FHIT: variants seen among roughly 807,000 people sequenced by gnomAD.
FHIT encodes fragile histidine triad diadenosine triphosphatase.
FHIT carries 19 observed loss-of-function variants against 17.9 expected under a neutral mutation model. The ratio of observed to expected loss-of-function variants is 1.06; its 90% CI spans 0.74 to 1.56. The LOEUF is 1.56. Among genes scored for constraint, FHIT ranks in the 40% most tolerant of loss-of-function variants. FHIT has a pLI of 0.00. For missense variants in FHIT, 248 were observed against 189.2 expected (o/e 1.31, Z -1.82); for synonymous variants, 81 against 69.7 (o/e 1.16, Z -0.81).
intron 2 of FHIT, among the ~76,000 whole-genome samples, chr3:61,146,012 T>C (rs1480486277): frequency 6.6e-6 from 1 of 152,000 alleles, no homozygotes; most frequent in Non-Finnish European, 1.5e-5. Flanking sequence ...TTATCCACAA[T>C]ATTGAGCAAT....
chr3:60,236,010 A>G (rs1704764924), intron 5 of FHIT, among the ~76,000 whole-genome samples: 1 of 151,950 alleles, frequency 6.6e-6, no homozygotes, highest in African/African-American at 2.4e-5. Context: ...TCTGCTTTTA[A>G]TTCCTCAGAC....
intron 4 of FHIT, among the ~76,000 whole-genome samples, chr3:60,806,356 C>CTGAAT (rs1553734183): frequency 6.6e-6 from 1 of 152,186 alleles, no homozygotes; most frequent in Non-Finnish European, 1.5e-5. Flanking sequence ...TCACTTTGGT[C>CTGAAT]CTTCTAGGAT....
At chr3:59,858,236 CTTTTTTTTTTTTTTT>C (rs563841299) in intron 8 of FHIT, among the ~76,000 whole-genome samples, 11 of 84,454 alleles carry the variant, frequency 1.3e-4, no homozygotes, top group Non-Finnish European at 1.7e-4. Context: ...TTCCCACCTT[CTTTTTTTTTTTTTTT>C]TTTTTTTTTT....
At chr3:59,865,042 ACTC>A (rs1702580917) in intron 8 of FHIT, among the ~76,000 whole-genome samples, 1 of 151,998 alleles carries the variant, frequency 6.6e-6, no homozygotes, top group Non-Finnish European at 1.5e-5. Context: ...CCCATTTCTG[ACTC>A]CTCCACTCTA....
chr3:60,415,454 G>A (rs1359771616), intron 5 of FHIT, among the ~76,000 whole-genome samples: 1 of 152,034 alleles, frequency 6.6e-6, no homozygotes, highest in African/African-American at 2.4e-5. Context: ...ATCATTAAAC[G>A]ATTTCCTGGC....
At chr3:61,067,768 T>C (rs899803680) in intron 2 of FHIT, among the ~76,000 whole-genome samples, 1 of 152,192 alleles carries the variant, frequency 6.6e-6, no homozygotes, top group Admixed American at 6.5e-5. Context: ...TTGGAGATGG[T>C]CAAGGGCCAG....
intron 5 of FHIT, among the ~76,000 whole-genome samples, chr3:60,364,640 T>C (rs745667817): frequency 7.9e-5 from 12 of 152,232 alleles, no homozygotes; most frequent in Non-Finnish European, 1.3e-4. Context: ...TCATTCTATG[T>C]GCCAATTTGA....
intron 8 of FHIT, among the ~76,000 whole-genome samples, chr3:59,811,184 C>T (rs1394400591): frequency 6.6e-6 from 1 of 152,182 alleles, no homozygotes; most frequent in East Asian, 1.9e-4. Flanking sequence ...CCTCTCATAA[C>T]ACATCTGTAC....
intron 5 of FHIT, among the ~76,000 whole-genome samples, chr3:60,496,311 A>C (rs1029722498): frequency 2.0e-5 from 3 of 152,158 alleles, no homozygotes; most frequent in Non-Finnish European, 4.4e-5. Context: ...ATTGCAAAAG[A>C]AAACAATGAC....
At chr3:59,971,257 C>G (rs6446101) in intron 7 of FHIT, among the ~76,000 whole-genome samples, 58,409 of 151,892 alleles carry the variant, frequency 0.38, 13,009 homozygotes, top group East Asian at 0.61. Context: ...ACAGGGAATA[C>G]GAAATCTTTG....
At chr3:60,917,019 GC>G (rs1707039522) in intron 3 of FHIT, among the ~76,000 whole-genome samples, 2 of 152,124 alleles carry the variant, frequency 1.3e-5, no homozygotes, top group African/African-American at 4.8e-5. Flanking sequence ...AAATAAATTT[GC>G]CATGGGAACA....
rs572035975 is a variant in FHIT, at chr3:61,035,806, G to C, written c.-111+6241C>G. Among the ~76,000 whole-genome samples, 9 of 152,270 alleles carry C rather than the reference G, an allele frequency of 5.9e-5. No homozygotes were observed. In the South Asian group the frequency reaches 1.9e-3, roughly 32 times the overall value. On this transcript the variant is annotated intron_variant, in intron 3 of 9. Coordinates refer to ENST00000492590, the MANE Select transcript of FHIT (RefSeq NM_002012.4). ...TTTCCAGTAAAAAGTAAATTTGGAA[G>C]GTAGGCCCTGCTTTTACTCTAGTTA...
chr3:60,222,836 G>C (rs998675580), intron 5 of FHIT, among the ~76,000 whole-genome samples: 2 of 152,118 alleles, frequency 1.3e-5, no homozygotes, highest in Non-Finnish European at 2.9e-5. Flanking sequence ...GGGAGGCAGA[G>C]GTTGCAGTGA....
chr3:60,848,688 C>T (rs894548097), intron 3 of FHIT, among the ~76,000 whole-genome samples: 2 of 152,150 alleles, frequency 1.3e-5, no homozygotes, highest in Non-Finnish European at 2.9e-5. Context: ...ATACTTACCT[C>T]ACCATATTGT....
chr3:61,171,208 T>G (rs952662750), intron 2 of FHIT, among the ~76,000 whole-genome samples: 5 of 152,218 alleles, frequency 3.3e-5, no homozygotes, highest in Non-Finnish European at 7.3e-5. Flanking sequence ...TGATCAGTGA[T>G]GTTGAGCTTT....
intron 3 of FHIT, among the ~76,000 whole-genome samples, chr3:60,901,272 T>C (rs1343811891): frequency 6.6e-6 from 1 of 152,228 alleles, no homozygotes; most frequent in Non-Finnish European, 1.5e-5. Flanking sequence ...AAAAATGGAA[T>C]TAAACTATTT....
intron 4 of FHIT, among the ~76,000 whole-genome samples, chr3:60,711,924 G>A (rs374877335): frequency 4.6e-5 from 7 of 152,076 alleles, no homozygotes; most frequent in Admixed American, 2.0e-4. Context: ...TACAGAGAAC[G>A]CCACAAAGAT....
chr3:60,719,062 G>A (rs1577112372), intron 4 of FHIT, among the ~76,000 whole-genome samples: 1 of 152,178 alleles, frequency 6.6e-6, no homozygotes, highest in South Asian at 2.1e-4. Context: ...GTGAAGGCAT[G>A]CCCAACAGCC....
At chr3:59,925,234 G>T (rs1197986113) in intron 7 of FHIT, among the ~76,000 whole-genome samples, 1 of 151,930 alleles carries the variant, frequency 6.6e-6, no homozygotes, top group African/African-American at 2.4e-5. Context: ...CTCCCAAATG[G>T]CTGGGACTAC....
Sources: gnomAD v4.1 joint callset for allele counts (sites outside exome capture counted in the v4.1 genomes callset) on GRCh38, gnomAD v4.1.1 for gene constraint, MANE v1.5 for transcripts, NCBI Gene and HGNC (gene_info 2026-07-23, HGNC 2026-07-21) for gene names.